Variants in MICU3 observed in about 807,000 individuals in gnomAD.
MICU3 encodes the protein calcium uptake protein 3, mitochondrial.
MICU3 carries 62 observed loss-of-function variants against 66.5 expected under a neutral mutation model. That is an observed-to-expected ratio of 0.93 (90% CI 0.76 to 1.15). The LOEUF (loss-of-function observed/expected upper bound fraction) is 1.15. Ranked by LOEUF, MICU3 falls within the 50% of genes most tolerant of loss-of-function variation. MICU3 has a pLI of 0.00. For missense variants in MICU3, 779 were observed against 664.4 expected, an observed-to-expected ratio of 1.17 and a Z score of -1.90; for synonymous variants, 308 against 240.7, an observed-to-expected ratio of 1.28 and a Z score of -2.59.
chr8:17,128,229 TACACACACACACACACACACAC>T, the MICU3 span, among the ~76,000 whole-genome samples: 4 of 144,546 alleles, frequency 2.8e-5, no homozygotes, highest in South Asian at 9.1e-4. Flanking sequence ...GAGATCAGTG[TACACACACACACACACACACAC>T]ACACACACAC....
intron 1 of MICU3, among the ~76,000 whole-genome samples, chr8:17,052,539 A>G (rs1816270343): frequency 6.6e-6 from 1 of 152,146 alleles, no homozygotes; most frequent in Non-Finnish European, 1.5e-5. Context: ...TCTGGTAACT[A>G]TCGTTGTACA....
the MICU3 span, among the ~76,000 whole-genome samples, chr8:17,128,588 C>T: frequency 3.9e-5 from 6 of 152,150 alleles, no homozygotes; most frequent in Admixed American, 2.0e-4. Context: ...ATTGGAGAGC[C>T]ATGACTATTA....
chr8:17,066,443 A>G (rs924752324), intron 2 of MICU3, among the ~76,000 whole-genome samples: 11 of 149,606 alleles, frequency 7.4e-5, no homozygotes, highest in African/African-American at 1.2e-4. Flanking sequence ...TAGATGCTAA[A>G]TGGTATTTTA....
Position 17,070,401 on chromosome 8 carries a change from T to C in MICU3, c.567+682T>C, listed in dbSNP as rs2150671656. ...AATACAAAGTATAATTCTATTTGTA[T>C]AAAGTCCAAAACTGAGAAAGTGAAA... On this transcript the variant is annotated intron_variant, in intron 3 of 14. Coordinates refer to ENST00000318063, the MANE Select transcript of MICU3 (RefSeq NM_181723.3). Among the ~76,000 whole-genome samples, 3 of 152,184 alleles carry C rather than the reference T, an allele frequency of 2.0e-5. No individual in the cohort carries two copies. The South Asian group carries it at 6.2e-4, about 32-fold the overall frequency.
intron 1 of MICU3, among the ~76,000 whole-genome samples, chr8:17,031,594 A>G (rs1345654080): frequency 1.3e-5 from 2 of 152,026 alleles, no homozygotes; most frequent in African/African-American, 4.8e-5. Flanking sequence ...CCCATTTATT[A>G]TTTTTGATTT....
intron 8 of MICU3, among the ~76,000 whole-genome samples, chr8:17,097,159 A>G (rs1476405676): frequency 6.6e-6 from 1 of 151,732 alleles, no homozygotes; most frequent in African/African-American, 2.4e-5. Context: ...TTGAACTTTT[A>G]AAACGCATCC....
chr8:17,082,297 G>A (rs988700772), intron 5 of MICU3, among the ~76,000 whole-genome samples: 2 of 151,984 alleles, frequency 1.3e-5, no homozygotes, highest in Non-Finnish European at 2.9e-5. Context: ...TTGAATTGCC[G>A]CCTCAGGGAT....
intron 8 of MICU3, among the ~76,000 whole-genome samples, chr8:17,093,388 T>A (rs1032458855): frequency 2.6e-5 from 4 of 152,014 alleles, no homozygotes; most frequent in African/African-American, 9.7e-5. Flanking sequence ...GAGACTTTTT[T>A]ATGGACTAAA....
chr8:17,076,109 C>G (rs745719502), intron 3 of MICU3, among the ~76,000 whole-genome samples: 5 of 152,046 alleles, frequency 3.3e-5, no homozygotes, highest in Non-Finnish European at 7.4e-5. Context: ...TCACTATAGC[C>G]TCGACTTCCT....
chr8:17,097,048 A>G (rs1800783325), intron 8 of MICU3, among the ~76,000 whole-genome samples: 1 of 150,402 alleles, frequency 6.6e-6, no homozygotes, highest in South Asian at 2.1e-4. Context: ...CACAAAGTGA[A>G]TCATTCCTGC....
chr8:17,055,045 T>C (rs1449932265), intron 1 of MICU3, among the ~76,000 whole-genome samples: 2 of 152,134 alleles, frequency 1.3e-5, no homozygotes, highest in Non-Finnish European at 2.9e-5. Flanking sequence ...CCCCAAACGT[T>C]TTCTTAATCT....
the MICU3 span, among the ~76,000 whole-genome samples, chr8:17,133,374 T>A: frequency 6.6e-6 from 1 of 152,228 alleles, no homozygotes; most frequent in Non-Finnish European, 1.5e-5. Context: ...TCTATTTCTG[T>A]CTTTTGCCAC....
Position 17,085,218 on chromosome 8 carries a change from C to G in MICU3, c.695-18C>G. On this transcript the variant is annotated intron_variant, in intron 5 of 14. Coordinates refer to ENST00000318063, the MANE Select transcript of MICU3 (RefSeq NM_181723.3). ...CATTTTTCCATTTTGTGAATACCTTCTCTGTTTTTTCTGGCAGAGCCACAT... is the reference window on the plus strand; with the variant it reads ...CATTTTTCCATTTTGTGAATACCTTGTCTGTTTTTTCTGGCAGAGCCACAT... 6.4e-7 allele frequency: 1 copy of G among 1,569,640 alleles called. No individual in the cohort carries two copies. Among genetic ancestry groups the G allele is most frequent in the Non-Finnish European group, 8.7e-7 (1 of 1,149,716 alleles).
intron 8 of MICU3, 29 bp from the exon 9 acceptor site, chr8:17,098,429 T>G (rs749698151): frequency 7.5e-7 from 1 of 1,324,550 alleles, no homozygotes; most frequent in Non-Finnish European, 1.1e-6. Flanking sequence ...TTCTTTAGAT[T>G]TCAGTTGTGC....
At position 17,085,218 on chromosome 8, in the gene MICU3, C is replaced by T. The variant is rs754682239; in HGVS notation, c.695-18C>T. 2 of 1,569,640 alleles carry T rather than the reference C, an allele frequency of 1.3e-6. No individual in the cohort carries two copies. Among genetic ancestry groups the T allele is most frequent in the Non-Finnish European group, 8.7e-7 (1 of 1,149,716 alleles). ...CATTTTTCCATTTTGTGAATACCTT[C>T]TCTGTTTTTTCTGGCAGAGCCACAT... On this transcript the variant is annotated intron_variant, in intron 5 of 14. Coordinates refer to ENST00000318063, the MANE Select transcript of MICU3 (RefSeq NM_181723.3).
intron 1 of MICU3, among the ~76,000 whole-genome samples, chr8:17,033,661 T>G (rs887118210): frequency 5.9e-5 from 9 of 152,158 alleles, no homozygotes; most frequent in Non-Finnish European, 2.9e-5. Context: ...ATGGTCTTGA[T>G]GTCCTGACTT....
Position 17,077,821 on chromosome 8 carries a change from GA to G in MICU3, c.609del (p.Gly204AlafsTer14), listed in dbSNP as rs1398911589. ...QMLAETPPVWKGSSKLFRNLK... is the reference protein window; with the variant it reads ...QMLAETPPVWXGSSKLFRNLK... ...TGCTCGCAGAAACACCACCAGTTTGGAAAGGCTCATCGAAGCTATTTCGAAA... is the reference window on the plus strand; with the variant it reads ...TGCTCGCAGAAACACCACCAGTTTGGAAGGCTCATCGAAGCTATTTCGAAA... On this transcript the variant is annotated frameshift_variant, in exon 4 of 15. Transcript: ENST00000318063. LOFTEE classifies it high-confidence loss of function. 9 of 1,611,944 alleles carry G rather than the reference GA, an allele frequency of 5.6e-6. No individual in the cohort carries two copies. The highest frequency in any genetic ancestry group is 6.8e-6 in the Non-Finnish European group (8 of 1,178,730).
intron 8 of MICU3, among the ~76,000 whole-genome samples, chr8:17,092,759 T>C (rs1305543729): frequency 1.3e-5 from 2 of 152,092 alleles, no homozygotes; most frequent in African/African-American, 4.8e-5. Flanking sequence ...AAAATGTATA[T>C]GAAATATCAT....
At chr8:17,088,608 A>G (rs1799720973) in intron 7 of MICU3, among the ~76,000 whole-genome samples, 1 of 151,982 alleles carries the variant, frequency 6.6e-6, no homozygotes, top group Admixed American at 6.6e-5. Context: ...ATAGTATTTC[A>G]GTGGATATAA....
Sources: gnomAD v4.1 joint callset for allele counts (sites outside exome capture counted in the v4.1 genomes callset) on GRCh38, gnomAD v4.1.1 for gene constraint, MANE v1.5 for transcripts, NCBI Gene and HGNC (gene_info 2026-07-23, HGNC 2026-07-21) for gene names.